Variants in DSCAML1 observed in about 807,000 individuals in gnomAD.
DSCAML1 encodes cell adhesion molecule DSCAML1.
A neutral mutation model predicts 200.5 loss-of-function variants in DSCAML1; 38 were observed. That is an observed-to-expected ratio of 0.19 (90% CI 0.15 to 0.25). The LOEUF is 0.25. Ranked by LOEUF, DSCAML1 falls within the 10% of genes least tolerant of loss-of-function variation. The pLI is 1.00. For synonymous variants in DSCAML1, 1,215 were observed against 1,165.0 expected (o/e 1.04, Z -0.87); for missense variants, 2,223 against 2,858.8 (o/e 0.78, Z 5.07).
At chr11:117,627,445 C>G (rs2052072935) in intron 3 of DSCAML1, among the ~76,000 whole-genome samples, 1 of 152,144 alleles carries the variant, frequency 6.6e-6, no homozygotes, top group Non-Finnish European at 1.5e-5. Context: ...TATGTCGTCC[C>G]CAGCCTGAGT....
At position 117,437,200 on chromosome 11, in the gene DSCAML1, C is replaced by T. The variant is rs761428542; in HGVS notation, c.4642G>A (p.Glu1548Lys). Reference protein sequence around the residue: ...LTELREATWYELRMRACNSAG... With the variant: ...LTELREATWYKLRMRACNSAG... ...CTGTTGCAAGCCCTCATGCGCAGCT[C>T]GTACCACGTGGCCTCTCGCAGTTCC... is the stretch of plus-strand genomic sequence containing the variant. Residue 1548 changes from glutamate to lysine, a missense_variant, in exon 26 of 33, where the codon GAG becomes AAG. Physicochemically the swap from Glu to Lys is moderately conservative, Grantham distance 56. Around this residue, in one of 7 missense-constraint regions of DSCAML1, gnomAD observed 614 missense variants for 739.1 expected, o/e 0.83. Transcript: ENST00000651296. This position sits in a 1 kb window ranked among gnomAD's most constrained non-coding sequence, Gnocchi z 5.3. The T allele has an allele frequency of 5.0e-6, 8 of 1,614,104 alleles. No homozygotes were observed. Among genetic ancestry groups the T allele is most frequent in the South Asian group, 2.2e-5 (2 of 91,088 alleles).
At chr11:117,791,790 G>C (rs565524725) in intron 1 of DSCAML1, among the ~76,000 whole-genome samples, 4 of 152,202 alleles carry the variant, frequency 2.6e-5, no homozygotes, top group African/African-American at 9.6e-5. Flanking sequence ...CTTAGGGAAG[G>C]ATCTGATGAT....
At chr11:117,794,865 G>T (rs376722648) in intron 1 of DSCAML1, among the ~76,000 whole-genome samples, 1 of 152,036 alleles carries the variant, frequency 6.6e-6, no homozygotes, top group South Asian at 2.1e-4. Context: ...GCACCCTGGC[G>T]CCCAACAGAC....
rs2047799296 is a variant in DSCAML1 at position 117,431,685 on chromosome 11, C to A, written c.5223G>T (p.Arg1741=). 1 of 1,607,858 alleles carries A rather than the reference C, an allele frequency of 6.2e-7. No homozygotes were observed. Among genetic ancestry groups the A allele is most frequent in the Admixed American group, 1.7e-5 (1 of 59,524 alleles). Residue 1741 remains arginine (R), a synonymous_variant, in exon 31 of 33, where the codon CGG becomes CGT. Transcript: ENST00000651296. ...GGGTCCACTGGCTTGAGTACCGGTT[C>A]CGGGTGCTGTGGGCTGACTTCACAT... The part of the protein sequence containing the change: ...RKNVKSAHST[R]NRYSSQWTLT...
In DSCAML1 at chr11:117,484,886, A is replaced by AGTGTGTGT. The variant is rs55850829; in HGVS notation, c.2360-2732_2360-2725dup. Among the ~76,000 whole-genome samples, 778 of 119,148 alleles carry AGTGTGTGT rather than the reference A, an allele frequency of 6.5e-3. 3 individuals carry two copies. Among genetic ancestry groups the AGTGTGTGT allele is most frequent in the Non-Finnish European group, 9.2e-3 (520 of 56,408 alleles). 78.2% of individuals were successfully genotyped at this position (119,148 alleles called of 152,430 possible). On this transcript the variant is annotated intron_variant, in intron 11 of 32. Transcript: ENST00000651296. The stretch of plus-strand genomic sequence containing the variant: ...TGAAGCCACAGAGAAGCAGAGGAAC[A>AGTGTGTGT]GTGTGTGTGTGTGTGTGTGTGTGTG...
intron 3 of DSCAML1, among the ~76,000 whole-genome samples, chr11:117,759,290 A>C (rs2054755988): frequency 6.6e-6 from 1 of 152,156 alleles, no homozygotes; most frequent in Admixed American, 6.5e-5. Context: ...TGGGTGTGTA[A>C]GAGGGAGGGG....
chr11:117,779,387 T>C (rs2134050410), intron 2 of DSCAML1, among the ~76,000 whole-genome samples: 1 of 152,312 alleles, frequency 6.6e-6, no homozygotes, highest in East Asian at 1.9e-4. Flanking sequence ...GACTTTCTTT[T>C]TTCTTAAAAT....
In DSCAML1 at chr11:117,696,254, G is replaced by A. The variant is rs180985923; in HGVS notation, c.511+80537C>T. On this transcript the variant is annotated intron_variant, in intron 3 of 32. Transcript: ENST00000651296. ...CTTCGGAGAGACAGAGGGGGAAGTT[G>A]AGCTGGTTCCCCCCTGGGGGCTTGA... 7.4e-4 allele frequency among the ~76,000 whole-genome samples: 112 copies of A among 152,342 alleles called. 2 individuals carry two copies. Among genetic ancestry groups the A allele is most frequent in the African/African-American group, 2.5e-3 (104 of 41,570 alleles).
At chr11:117,599,047 C>T (rs146312479) in intron 3 of DSCAML1, among the ~76,000 whole-genome samples, 2 of 152,318 alleles carry the variant, frequency 1.3e-5, no homozygotes, top group East Asian at 3.9e-4. Context: ...ACACCAGTTT[C>T]CTATCAATGA....
Position 117,428,420 on chromosome 11 carries a change from T to C in DSCAML1, c.6070A>G (p.Arg2024Gly). 6.4e-7 allele frequency: 1 copy of C among 1,555,702 alleles called. No homozygotes were observed. The highest frequency in any genetic ancestry group is 8.7e-7 in the Non-Finnish European group (1 of 1,155,060). Residue 2024 changes from arginine to glycine, a missense_variant, in exon 33 of 33, where the codon AGG becomes GGG. Around this residue, in one of 7 missense-constraint regions of DSCAML1, gnomAD observed 280 missense variants for 213.4 expected, o/e 1.31. Coordinates refer to ENST00000651296, the MANE Select transcript of DSCAML1 (RefSeq NM_020693.4). ...GTGCTCATCTCGAGAAGCGAGTCCC[T>C]GGAGCCCCCCATTTTGGTGTGTGGG... is the stretch of plus-strand genomic sequence containing the variant. ...GGPHTKMGGS[R>G]DSLLEMSTSG... is the part of the protein sequence containing the mutation.
At chr11:117,612,657 A>T (rs2051720004) in intron 3 of DSCAML1, among the ~76,000 whole-genome samples, 1 of 152,186 alleles carries the variant, frequency 6.6e-6, no homozygotes, top group African/African-American at 2.4e-5. Flanking sequence ...CCAGCCAGTG[A>T]GCCCTGTCCC....
chr11:117,456,061 C>A (rs536601118), intron 19 of DSCAML1, among the ~76,000 whole-genome samples: 1 of 152,280 alleles, frequency 6.6e-6, no homozygotes, highest in Admixed American at 6.5e-5. Flanking sequence ...AGGCATGTGG[C>A]CCCACTCTGA....
chr11:117,585,407 G>C (rs952314388), intron 3 of DSCAML1, among the ~76,000 whole-genome samples: 1 of 151,930 alleles, frequency 6.6e-6, no homozygotes, highest in African/African-American at 2.4e-5. Context: ...CCACCACCAC[G>C]CCCAGCTAAC....
At chr11:117,552,343 C>T (rs2050483771) in intron 3 of DSCAML1, among the ~76,000 whole-genome samples, 2 of 152,106 alleles carry the variant, frequency 1.3e-5, no homozygotes, top group African/African-American at 4.8e-5. Flanking sequence ...CATCCCCAAT[C>T]TACACAGACA....
intron 3 of DSCAML1, among the ~76,000 whole-genome samples, chr11:117,597,123 AAAT>A (rs2051376039): frequency 6.6e-6 from 1 of 152,256 alleles, no homozygotes; most frequent in Admixed American, 6.5e-5. Flanking sequence ...GTAGGTTTGC[AAAT>A]AATGACATAA....
chr11:117,533,754 CTGACCT>C (rs2050121138), intron 3 of DSCAML1, among the ~76,000 whole-genome samples: 1 of 151,970 alleles, frequency 6.6e-6, no homozygotes, highest in Non-Finnish European at 1.5e-5. Flanking sequence ...AAGGCTCACC[CTGACCT>C]TGAGCTGATA....
chr11:117,770,607 C>G (rs1018797444), intron 3 of DSCAML1, among the ~76,000 whole-genome samples: 4 of 151,764 alleles, frequency 2.6e-5, no homozygotes, highest in African/African-American at 7.3e-5. Flanking sequence ...GAAGAGAGGT[C>G]TGAATAAAAT....
chr11:117,439,998 T>C, intron 21 of DSCAML1, 62 bp from the exon 22 acceptor site: 1 of 1,395,356 alleles, frequency 7.2e-7, no homozygotes, highest in Non-Finnish European at 1.0e-6. Flanking sequence ...CCTGGCCTCC[T>C]TCCTTAGGGC....
intron 3 of DSCAML1, among the ~76,000 whole-genome samples, chr11:117,764,048 G>A (rs1450715040): frequency 6.6e-6 from 1 of 152,092 alleles, no homozygotes; most frequent in African/African-American, 2.4e-5. Flanking sequence ...TTGTGTTGGG[G>A]TCACCTGTGT....
Sources: gnomAD v4.1 joint callset for allele counts (sites outside exome capture counted in the v4.1 genomes callset) on GRCh38, gnomAD v4.1.1 for gene constraint, gnomAD v4.1.1 regional missense constraint, Gnocchi (gnomAD v3.1) non-coding constraint, MANE v1.5 for transcripts, NCBI Gene and HGNC (gene_info 2026-07-23, HGNC 2026-07-21) for gene names.